Variants in CEP70 observed in about 807,000 individuals in gnomAD.
CEP70 encodes the protein centrosomal protein of 70 kDa.
Under a neutral mutation model 90.9 loss-of-function variants are expected in CEP70, and 70 were observed. The ratio of observed to expected loss-of-function variants is 0.77; its 90% CI spans 0.64 to 0.94. The LOEUF is 0.94. Ranked by LOEUF, CEP70 falls within the 40% of genes least tolerant of loss-of-function variation. The probability of loss-of-function intolerance (pLI) is 0.00; values close to 1 mark genes in which losing one functional copy is unlikely to be tolerated. For synonymous variants in CEP70, 220 were observed against 228.3 expected, an observed-to-expected ratio of 0.96 and a Z score of 0.33; for missense variants, 648 against 669.0, an observed-to-expected ratio of 0.97 and a Z score of 0.35.
rs147842622 is a variant in CEP70 at position 138,522,091 on chromosome 3, C to G, written c.944+3399G>C. Among the ~76,000 whole-genome samples, 721 of 152,168 alleles carry G rather than the reference C, an allele frequency of 4.7e-3. 4 individuals are homozygous for G. The highest frequency in any genetic ancestry group is 0.017 in the African/African-American group (694 of 41,522). On this transcript the variant is annotated intron_variant, in intron 11 of 17. Coordinates refer to ENST00000264982, the MANE Select transcript of CEP70 (RefSeq NM_024491.4). ...ACAGATGCTTAAAGGCAGCATGCTC[C>G]TTAAGAGTCATCACCACTTCCTAAT...
intron 6 of CEP70, among the ~76,000 whole-genome samples, chr3:138,563,883 C>A (rs1386778156): frequency 6.6e-6 from 1 of 152,112 alleles, no homozygotes; most frequent in Non-Finnish European, 1.5e-5. Flanking sequence ...ACAAAAAACT[C>A]TTCAAAAAAA....
At chr3:138,557,125 C>T (rs1033811712) in intron 6 of CEP70, among the ~76,000 whole-genome samples, 9 of 152,114 alleles carry the variant, frequency 5.9e-5, no homozygotes, top group Admixed American at 3.9e-4. Context: ...AGGGATGTTC[C>T]TTGCTGAGAA....
In CEP70 at chr3:138,572,877, T is replaced by C. The variant is rs1560441016; in HGVS notation, c.51A>G (p.Arg17=). The change falls in exon 3 of 18, where the codon AGA becomes AGG. Residue 17 remains arginine, a synonymous_variant. Transcript: ENST00000264982. Reference sequence around the variant, plus strand: ...AGTTTACCTGTTTTTCAGTCATGAGTCTGTCTGATGGTTGACTGGAATCCT... The same window carrying C: ...AGTTTACCTGTTTTTCAGTCATGAGCCTGTCTGATGGTTGACTGGAATCCT... ...KPQDSSQPSD[R]LMTEKQQEEA... is the part of the protein sequence containing the mutation. The C allele has an allele frequency of 6.2e-7, 1 of 1,604,344 alleles. No individual in the cohort carries two copies. Among genetic ancestry groups the C allele is most frequent in the Non-Finnish European group, 8.5e-7 (1 of 1,171,696 alleles).
chr3:138,517,925 T>C (rs2036204096), intron 11 of CEP70, among the ~76,000 whole-genome samples: 1 of 152,204 alleles, frequency 6.6e-6, no homozygotes, highest in East Asian at 1.9e-4. Context: ...GGGAATTCCC[T>C]TTCCTAGTCA....
intron 5 of CEP70, 100 bp downstream of exon 5, chr3:138,570,934 T>C: frequency 9.7e-7 from 1 of 1,027,664 alleles, no homozygotes; most frequent in South Asian, 2.2e-5. Flanking sequence ...TAGTTTAATA[T>C]TTAATCAAAA....
At chr3:138,507,290 T>C (rs1437994052) in intron 12 of CEP70, among the ~76,000 whole-genome samples, 1 of 152,202 alleles carries the variant, frequency 6.6e-6, no homozygotes, top group Non-Finnish European at 1.5e-5. Context: ...AAGATGACCC[T>C]GATGAAAGTA....
Position 138,530,416 on chromosome 3 carries a change from C to G in CEP70, c.693-954G>C, listed in dbSNP as rs142156163. 4.7e-3 allele frequency among the ~76,000 whole-genome samples: 721 copies of G among 152,248 alleles called. 4 individuals carry two copies. Among genetic ancestry groups the G allele is most frequent in the African/African-American group, 0.017 (695 of 41,536 alleles). The stretch of plus-strand genomic sequence containing the variant: ...CTAGTATTACACATAAACATATCAC[C>G]AGTCTAGTAAGTATCAATGGATTGA... On this transcript the variant is annotated intron_variant, in intron 8 of 17. Coordinates refer to ENST00000264982, the MANE Select transcript of CEP70 (RefSeq NM_024491.4).
chr3:138,498,050 A>G lies in CEP70; in HGVS notation c.1713T>C (p.Asn571=), dbSNP rs1405269110. 2 of 1,613,150 alleles carry G rather than the reference A, an allele frequency of 1.2e-6. No homozygotes were observed. The highest frequency in any genetic ancestry group is 8.5e-7 in the Non-Finnish European group (1 of 1,179,520). Residue 571 remains asparagine, a synonymous_variant, in exon 17 of 18, where the codon AAT becomes AAC. Coordinates refer to ENST00000264982, the MANE Select transcript of CEP70 (RefSeq NM_024491.4). ...TCTTACCTAAGATTTCAAGTAGATC[A>G]TTAGTAAATGCCTGAAATGCTGGGA... ...EFFPAFQAFT[N]DLLEILEIDD... is the part of the protein sequence containing the mutation.
chr3:138,533,779 T>C (rs2038030966), intron 7 of CEP70, among the ~76,000 whole-genome samples: 1 of 152,088 alleles, frequency 6.6e-6, no homozygotes, highest in South Asian at 2.1e-4. Flanking sequence ...TTTTATTTTT[T>C]GTTTTTTTTT....
intron 6 of CEP70, among the ~76,000 whole-genome samples, chr3:138,568,167 C>T (rs1157798972): frequency 6.6e-6 from 1 of 152,112 alleles, no homozygotes; most frequent in Non-Finnish European, 1.5e-5. Flanking sequence ...ATGAAACCTC[C>T]TCTGTACCAA....
rs147736952 is a variant in CEP70 at position 138,508,081 on chromosome 3, G to T, written c.1050+358C>A. 7.1e-3 allele frequency among the ~76,000 whole-genome samples: 1,072 copies of T among 151,988 alleles called. 13 individuals carry two copies. Among genetic ancestry groups the T allele is most frequent in the African/African-American group, 0.025 (1,026 of 41,440 alleles). On this transcript the variant is annotated intron_variant, in intron 12 of 17. Transcript: ENST00000264982. ...CTAAGGTCTCTAAACAAAAACAAAA[G>T]CCATACAAGGACCCTAAGAAAATAG...
chr3:138,571,357 C>T lies in CEP70; in HGVS notation c.70-1G>A, dbSNP rs764990440. On this transcript the variant is annotated splice_acceptor_variant, in intron 3 of 17. Coordinates refer to ENST00000264982, the MANE Select transcript of CEP70 (RefSeq NM_024491.4). LOFTEE classifies it high-confidence loss of function. ...TGCTTTCCCATTCTGCTTCTTCCTGCTACAATTACAGAAAGAGAAGAAAGG... is the reference window on the plus strand; with the variant it reads ...TGCTTTCCCATTCTGCTTCTTCCTGTTACAATTACAGAAAGAGAAGAAAGG... 9.4e-6 allele frequency: 15 copies of T among 1,589,732 alleles called. No individual in the cohort carries two copies. The highest frequency in any genetic ancestry group is 5.0e-5 in the Admixed American group (3 of 59,478).
intron 7 of CEP70, among the ~76,000 whole-genome samples, chr3:138,536,754 A>G (rs1268353536): frequency 6.6e-6 from 1 of 151,698 alleles, no homozygotes; most frequent in Non-Finnish European, 1.5e-5. Flanking sequence ...GTTAAAAAAA[A>G]AAATCAATGA....
intron 2 of CEP70, among the ~76,000 whole-genome samples, chr3:138,581,267 G>C (rs1361101218): frequency 6.8e-6 from 1 of 146,950 alleles, no homozygotes; most frequent in African/African-American, 2.5e-5. Context: ...GGGCGACACA[G>C]TGAGACTCCA....
chr3:138,587,060 A>G (rs2042139489), intron 2 of CEP70, among the ~76,000 whole-genome samples: 1 of 152,118 alleles, frequency 6.6e-6, no homozygotes. Context: ...CTCACAAAAC[A>G]GATAGGAACT....
chr3:138,541,570 A>C (rs1287022603), intron 6 of CEP70, among the ~76,000 whole-genome samples: 1 of 152,234 alleles, frequency 6.6e-6, no homozygotes, highest in Non-Finnish European at 1.5e-5. Flanking sequence ...CTTCACTATG[A>C]AAGAGAAGGA....
chr3:138,496,157 T>A, intron 17 of CEP70: 1 of 985,460 alleles, frequency 1.0e-6, no homozygotes. Flanking sequence ...ATACCCACAC[T>A]TTTTTCTAGC....
chr3:138,502,616 A>G (rs1560278925), intron 13 of CEP70, among the ~76,000 whole-genome samples: 1 of 152,180 alleles, frequency 6.6e-6, no homozygotes, highest in African/African-American at 2.4e-5. Flanking sequence ...GCACATTTAT[A>G]AAGTAATCTA....
intron 3 of CEP70, among the ~76,000 whole-genome samples, chr3:138,572,606 C>T (rs1035258605): frequency 1.3e-5 from 2 of 152,140 alleles, no homozygotes; most frequent in African/African-American, 2.4e-5. Flanking sequence ...GTACATGCTA[C>T]AGAACACTAG....
Sources: allele counts gnomAD v4.1 joint callset (sites outside exome capture counted in the v4.1 genomes callset), GRCh38; gene constraint gnomAD v4.1.1; transcripts MANE v1.5; gene names NCBI Gene and HGNC (gene_info 2026-07-23, HGNC 2026-07-21).